The following ITPRID1 variants were observed in gnomAD, a reference collection of about 807,000 sequenced individuals.
ITPRID1 encodes protein ITPRID1.
Under a neutral mutation model 95.4 loss-of-function variants are expected in ITPRID1, and 96 were observed. That is an observed-to-expected ratio of 1.01 (90% CI 0.85 to 1.19). ITPRID1 has a LOEUF of 1.19. ITPRID1 is among the 50% of genes most tolerant of loss of function. The pLI, the probability that ITPRID1 is intolerant of heterozygous loss-of-function variation, is 0.00. For synonymous variants in ITPRID1, 510 were observed against 453.6 expected, an observed-to-expected ratio of 1.12 and a Z score of -1.58; for missense variants, 1,339 against 1,252.9, an observed-to-expected ratio of 1.07 and a Z score of -1.04.
intron 10 of ITPRID1, among the ~76,000 whole-genome samples, chr7:31,640,758 A>T (rs188455774): frequency 2.2e-3 from 338 of 152,170 alleles, no homozygotes; most frequent in Non-Finnish European, 3.5e-3. Context: ...TAGATCTATG[A>T]CTTGCAAATA....
Position 31,654,171 on chromosome 7 carries a change from G to C in ITPRID1, c.*1342G>C, listed in dbSNP as rs900929972. Among the ~76,000 whole-genome samples, 1 of 152,180 alleles carries C rather than the reference G, an allele frequency of 6.6e-6. No individual in the cohort carries two copies. The highest frequency in any genetic ancestry group is 2.4e-5 in the African/African-American group (1 of 41,438). ...GAGTAAAACTGTACTGCATTCATCA[G>C]GGTGCCTGTGGAAGGCCTTGCTAAA... On this transcript the variant is annotated 3_prime_UTR_variant, in exon 15 of 15. Transcript: ENST00000615280.
At chr7:31,658,387 T>C, downstream of ITPRID1, 15 of 1,496,718 alleles carry the variant, frequency 1.0e-5, no homozygotes, top group Non-Finnish European at 1.3e-5. Flanking sequence ...CTCTGGTCTG[T>C]TGTAATTGTT....
intron 5 of ITPRID1, among the ~76,000 whole-genome samples, chr7:31,564,352 C>T (rs1357490555): frequency 1.3e-5 from 2 of 151,964 alleles, no homozygotes; most frequent in Non-Finnish European, 2.9e-5. Context: ...ATTTTTTTCT[C>T]ACTTTAATTT....
intron 6 of ITPRID1, among the ~76,000 whole-genome samples, chr7:31,571,713 G>A (rs1264034668): frequency 6.6e-6 from 1 of 152,160 alleles, no homozygotes; most frequent in Non-Finnish European, 1.5e-5. Flanking sequence ...GAGAATTAAT[G>A]TAGAGTCACT....
rs571997218 is a variant in ITPRID1, at chr7:31,630,676, A to C, written c.1229-11500A>C. Among the ~76,000 whole-genome samples, 21 of 152,306 alleles carry C rather than the reference A, an allele frequency of 1.4e-4. No individual in the cohort carries two copies. In the East Asian group the frequency reaches 3.9e-3, roughly 28 times the overall value. On this transcript the variant is annotated intron_variant, in intron 10 of 14. Coordinates refer to ENST00000615280, the MANE Select transcript of ITPRID1 (RefSeq NM_001257967.3). The stretch of plus-strand genomic sequence containing the variant: ...ATATAAAATTACAAACAATAAGACT[A>C]AATATATAGCTTATGAAAATAGTTA...
chr7:31,595,256 G>T (rs1786036280), intron 10 of ITPRID1, among the ~76,000 whole-genome samples: 1 of 151,338 alleles, frequency 6.6e-6, no homozygotes, highest in South Asian at 2.1e-4. Flanking sequence ...TATTGGCCAG[G>T]CTGGTCTTGA....
intron 1 of ITPRID1, among the ~76,000 whole-genome samples, chr7:31,514,659 C>T (rs192695534): frequency 7.9e-5 from 12 of 152,176 alleles, no homozygotes; most frequent in Non-Finnish European, 1.0e-4. Flanking sequence ...GTGAGGATAT[C>T]GCTCCAGTAT....
rs1783058203 is a variant in ITPRID1 at position 31,516,862 on chromosome 7, G to C, written c.-98+2742G>C. 2.6e-5 allele frequency among the ~76,000 whole-genome samples: 4 copies of C among 152,324 alleles called. No homozygotes were observed. The South Asian group carries it at 8.3e-4, about 32-fold the overall frequency. On this transcript the variant is annotated intron_variant, in intron 1 of 14. Transcript: ENST00000615280. ...CGCTGACTTCAAGAATGAAGCCACAGACCCTCGTGTTAAGTGTCACAGTTC... is the reference window on the plus strand; with the variant it reads ...CGCTGACTTCAAGAATGAAGCCACACACCCTCGTGTTAAGTGTCACAGTTC...
intron 10 of ITPRID1, among the ~76,000 whole-genome samples, chr7:31,628,647 A>G (rs1472666922): frequency 6.6e-6 from 1 of 151,758 alleles, no homozygotes; most frequent in Non-Finnish European, 1.5e-5. Context: ...TAGTAGAGAC[A>G]GGGTTTCACC....
In ITPRID1 at chr7:31,653,677, T is replaced by C. The variant is rs1424573235; in HGVS notation, c.*848T>C. ...GAAATAAAATGGGAGGCAGATTGCCTGATGCAGCTCCTAACTTGACTTTTC... is the reference window on the plus strand; with the variant it reads ...GAAATAAAATGGGAGGCAGATTGCCCGATGCAGCTCCTAACTTGACTTTTC... On this transcript the variant is annotated 3_prime_UTR_variant, in exon 15 of 15. Transcript: ENST00000615280. 6.6e-6 allele frequency: 1 copy of C among 152,252 alleles called. No individual in the cohort carries two copies. The highest frequency in any genetic ancestry group is 1.5e-5 in the Non-Finnish European group (1 of 68,048). The allele number at this position is 152,252 out of a possible 1,614,324, so 9.4% of individuals were successfully genotyped here. A position where few individuals can be genotyped will look rare whatever the true frequency, so the allele number is the denominator to read the frequency against.
rs757417828 is a variant in ITPRID1, at chr7:31,577,999, C to T, written c.735C>T (p.Ala245=). Residue 245 remains alanine (A), a synonymous_variant, in exon 9 of 15, where the codon GCC becomes GCT. Transcript: ENST00000615280. ...GESVQRTSVS[A]AKEHRRRMGK... is the part of the protein sequence containing the mutation. Reference sequence around the variant, plus strand: ...GTGTGCAAAGAACCTCAGTGAGTGCCGCCAAAGAGCATCGAAGAAGAATGG... The same window carrying T: ...GTGTGCAAAGAACCTCAGTGAGTGCTGCCAAAGAGCATCGAAGAAGAATGG... 1.3e-5 allele frequency: 21 copies of T among 1,613,538 alleles called. No homozygotes were observed. The Admixed American group carries it at 2.2e-4, about 17-fold the overall frequency.
intron 5 of ITPRID1, among the ~76,000 whole-genome samples, chr7:31,563,139 G>A (rs1476965908): frequency 1.3e-5 from 2 of 152,210 alleles, no homozygotes; most frequent in African/African-American, 4.8e-5. Context: ...CAAAAGAGGT[G>A]AGACTGAAAC....
chr7:31,559,264 T>C (rs1191083539), intron 5 of ITPRID1, among the ~76,000 whole-genome samples: 2 of 152,212 alleles, frequency 1.3e-5, no homozygotes, highest in Non-Finnish European at 2.9e-5. Context: ...GTCATTTCAA[T>C]ACTTTCTGAG....
At position 31,549,824 on chromosome 7, in the gene ITPRID1, CA is replaced by C. The variant is rs149257277; in HGVS notation, c.-24+326del. ...TGGGGAACAGAGATTAAATAAAACA[CA>C]GTCTGTATTCTCCTAGTATGAACAA... is the stretch of plus-strand genomic sequence containing the variant. On this transcript the variant is annotated intron_variant, in intron 2 of 14. Transcript: ENST00000615280. Among the ~76,000 whole-genome samples the C allele has an allele frequency of 2.3e-3, 353 of 152,268 alleles. 1 individual carries two copies. The highest frequency in any genetic ancestry group is 8.0e-3 in the African/African-American group (331 of 41,566).
Position 31,652,582 on chromosome 7 carries a change from T to C in ITPRID1, c.2888T>C (p.Ile963Thr). 1 of 1,612,284 alleles carries C rather than the reference T, an allele frequency of 6.2e-7. No homozygotes were observed. The highest frequency in any genetic ancestry group is 8.5e-7 in the Non-Finnish European group (1 of 1,179,150). The change falls in exon 15 of 15, where the codon ATA becomes ACA. Residue 963 changes from isoleucine (I) to threonine (T), a missense_variant. Coordinates refer to ENST00000615280, the MANE Select transcript of ITPRID1 (RefSeq NM_001257967.3). ...HYSNLHQYNW[I>T]EESNGQTSCS... ...TCAAATCTGCATCAATATAACTGGA[T>C]AGAAGAAAGCAATGGGCAGACTTCA... is the stretch of plus-strand genomic sequence containing the variant.
chr7:31,564,883 A>T (rs1784743479), intron 5 of ITPRID1, among the ~76,000 whole-genome samples: 1 of 152,132 alleles, frequency 6.6e-6, no homozygotes, highest in Admixed American at 6.5e-5. Flanking sequence ...AGGAAAGTCT[A>T]GCAACCCCAA....
chr7:31,651,306 C>T, intron 13 of ITPRID1, 37 bp downstream of exon 13: 6 of 1,603,646 alleles, frequency 3.7e-6, no homozygotes, highest in Non-Finnish European at 5.1e-6. Context: ...TAAGTACCAG[C>T]CCACACACCT....
chr7:31,546,891 A>T (rs148847763), intron 1 of ITPRID1, among the ~76,000 whole-genome samples: 1 of 152,108 alleles, frequency 6.6e-6, no homozygotes. Flanking sequence ...GAAAAGATAA[A>T]GGGGTTAGGA....
chr7:31,654,920 C>T lies in ITPRID1; in HGVS notation c.*2091C>T, dbSNP rs922514164. Among the ~76,000 whole-genome samples the T allele has an allele frequency of 6.6e-5, 10 of 152,090 alleles. No homozygotes were observed. Among genetic ancestry groups the T allele is most frequent in the Admixed American group, 1.3e-4 (2 of 15,272 alleles). ...GCTTTTTGGAAAGCCTTTGACTCAG[C>T]GGGGCCTTCCTACCCTTGGGACCAC... On this transcript the variant is annotated 3_prime_UTR_variant, in exon 15 of 15. Transcript: ENST00000615280.
Sources: allele counts gnomAD v4.1 joint callset (sites outside exome capture counted in the v4.1 genomes callset), GRCh38; gene constraint gnomAD v4.1.1; transcripts MANE v1.5; gene names NCBI Gene and HGNC (gene_info 2026-07-23, HGNC 2026-07-21).